Variants in RYR3 observed in about 807,000 individuals in gnomAD.
RYR3 encodes brain ryanodine receptor-calcium release channel.
Under a neutral mutation model 584.3 loss-of-function variants are expected in RYR3, and 207 were observed. That is an observed-to-expected ratio of 0.35 (90% confidence interval 0.32 to 0.40). The LOEUF (loss-of-function observed/expected upper bound fraction) is 0.40. Ranked by LOEUF, RYR3 falls within the 10% of genes least tolerant of loss-of-function variation. RYR3 has a pLI of 1.00. For missense variants in RYR3, 5,616 were observed against 6,089.2 expected (o/e 0.92, Z 2.59); for synonymous variants, 2,416 against 2,248.5 (o/e 1.07, Z -2.11).
intron 1 of RYR3, among the ~76,000 whole-genome samples, chr15:33,316,438 G>C (rs559974009): frequency 6.6e-6 from 1 of 152,188 alleles, no homozygotes; most frequent in African/African-American, 2.4e-5. Flanking sequence ...CAATACTTTA[G>C]TTAATTTCCC....
At chr15:33,477,733 G>A (rs962348478) in intron 2 of RYR3, among the ~76,000 whole-genome samples, 4 of 148,186 alleles carry the variant, frequency 2.7e-5, no homozygotes, top group Admixed American at 6.6e-5. Flanking sequence ...AAATTAGCCG[G>A]ACGTGGTGGC....
At chr15:33,347,735 C>A (rs1469808635) in intron 1 of RYR3, among the ~76,000 whole-genome samples, 1 of 152,124 alleles carries the variant, frequency 6.6e-6, no homozygotes, top group African/African-American at 2.4e-5. Context: ...GAATTGGCTC[C>A]TGTGCCCCTT....
At position 33,562,327 on chromosome 15, in the gene RYR3, A is replaced by T. The variant is rs113172414; in HGVS notation, c.973-510A>T. ...TACATTAGCTTAAGCCACGGTATTA[A>T]CCCCTGCGTATTCAAAGGGTCTCCT... On this transcript the variant is annotated intron_variant, in intron 10 of 103. Coordinates refer to ENST00000634891, the MANE Select transcript of RYR3 (RefSeq NM_001036.6). Among the ~76,000 whole-genome samples the T allele has an allele frequency of 3.8e-3, 582 of 152,292 alleles. 4 individuals are homozygous for T. Among genetic ancestry groups the T allele is most frequent in the African/African-American group, 0.013 (554 of 41,556 alleles).
intron 1 of RYR3, chr15:33,467,459 A>G (rs1366722659): frequency 2.0e-6 from 2 of 984,678 alleles, no homozygotes; most frequent in Non-Finnish European, 1.2e-6. Flanking sequence ...ATGGCTCTCT[A>G]TTGTTCTGGC....
chr15:33,446,354 A>G (rs1178244428), intron 1 of RYR3, among the ~76,000 whole-genome samples: 4 of 152,238 alleles, frequency 2.6e-5, no homozygotes, highest in Non-Finnish European at 5.9e-5. Context: ...TTGGGTATGA[A>G]AATAAGCTTA....
intron 14 of RYR3, among the ~76,000 whole-genome samples, chr15:33,582,518 T>C (rs2058646455): frequency 6.6e-6 from 1 of 152,244 alleles, no homozygotes; most frequent in Non-Finnish European, 1.5e-5. Flanking sequence ...GTAGGCATGA[T>C]TTTAACAATA....
At chr15:33,408,321 T>A (rs1209459336) in intron 1 of RYR3, among the ~76,000 whole-genome samples, 1 of 152,206 alleles carries the variant, frequency 6.6e-6, no homozygotes, top group East Asian at 1.9e-4. Context: ...CATGTTGTGG[T>A]AAAGGACACG....
intron 93 of RYR3, among the ~76,000 whole-genome samples, chr15:33,845,753 A>C (rs1465551238): frequency 6.6e-6 from 1 of 152,196 alleles, no homozygotes; most frequent in South Asian, 2.1e-4. Flanking sequence ...TTGATGTCAA[A>C]ATTTTTATAA....
intron 85 of RYR3, among the ~76,000 whole-genome samples, chr15:33,827,665 T>C (rs754989572): frequency 1.3e-5 from 2 of 152,222 alleles, no homozygotes; most frequent in Non-Finnish European, 2.9e-5. Context: ...AGGATGAGTT[T>C]ACAAGTTCGT....
intron 10 of RYR3, among the ~76,000 whole-genome samples, chr15:33,557,064 A>G (rs1338430264): frequency 6.6e-6 from 1 of 152,232 alleles, no homozygotes; most frequent in African/African-American, 2.4e-5. Context: ...AATGGTAACC[A>G]TTCAGATATT....
chr15:33,827,232 A>G lies in RYR3; in HGVS notation c.11279A>G (p.Asn3760Ser). ...FQNFLRTQMG[N>S]TTTVNVIIST... ...AACTTCCTGCGGACTCAGATGGGCA[A>G]CACCACCACCGTGAATGTCATCATC... The change falls in exon 85 of 104, where the codon AAC becomes AGC. Residue 3760 changes from asparagine (N) to serine (S), a missense_variant. Physicochemically the swap from Asn to Ser is conservative, Grantham distance 46. Around this residue, in one of 9 missense-constraint regions of RYR3, gnomAD observed 954 missense variants for 1,132.2 expected, o/e 0.84. Transcript: ENST00000634891. The G allele has an allele frequency of 2.6e-6, 4 of 1,552,366 alleles. No individual in the cohort carries two copies. Among genetic ancestry groups the G allele is most frequent in the Non-Finnish European group, 3.5e-6 (4 of 1,147,444 alleles).
chr15:33,494,013 T>A (rs1427496128), intron 2 of RYR3, among the ~76,000 whole-genome samples: 1 of 152,352 alleles, frequency 6.6e-6, no homozygotes, highest in East Asian at 1.9e-4. Context: ...CAAGAGAGGC[T>A]AGACTTTAAT....
intron 98 of RYR3, among the ~76,000 whole-genome samples, chr15:33,855,573 A>G (rs1567335058): frequency 6.6e-6 from 1 of 151,686 alleles, no homozygotes. Context: ...GCAAGTAGAC[A>G]TACTGTACAC....
chr15:33,681,863 A>G (rs535459049), intron 38 of RYR3, among the ~76,000 whole-genome samples: 1 of 152,334 alleles, frequency 6.6e-6, no homozygotes, highest in Admixed American at 6.5e-5. Flanking sequence ...ATACAACACC[A>G]GCGTAGGTTT....
chr15:33,465,634 G>T (rs2048421217), intron 1 of RYR3: 2 of 493,532 alleles, frequency 4.1e-6, no homozygotes, highest in Admixed American at 2.1e-5. Context: ...GTCGTGAAAT[G>T]ATGCGATCTC....
In RYR3 at chr15:33,473,535, C is replaced by T; in HGVS notation, c.168C>T (p.Ala56=). Residue 56 remains alanine, a synonymous_variant, in exon 2 of 104, where the codon GCC becomes GCT. Transcript: ENST00000634891. The part of the protein sequence containing the change: ...RLCFLEPTSE[A]KYIPPDLCVC... Reference sequence around the variant, plus strand: ...GCTTCTTGGAACCCACTTCAGAAGCCAAGGTGAGATTGGCTGTCCGCCCTA... The same window carrying T: ...GCTTCTTGGAACCCACTTCAGAAGCTAAGGTGAGATTGGCTGTCCGCCCTA... 6.2e-7 allele frequency: 1 copy of T among 1,613,920 alleles called. No homozygotes were observed. The highest frequency in any genetic ancestry group is 8.5e-7 in the Non-Finnish European group (1 of 1,179,852).
intron 38 of RYR3, among the ~76,000 whole-genome samples, chr15:33,693,745 T>TTG (rs1485009242): frequency 2.0e-5 from 3 of 152,158 alleles, no homozygotes; most frequent in African/African-American, 7.2e-5. Flanking sequence ...ACTTTCATAG[T>TTG]TGAAGTTATG....
intron 1 of RYR3, among the ~76,000 whole-genome samples, chr15:33,335,110 G>A (rs2140726714): frequency 6.6e-6 from 1 of 152,312 alleles, no homozygotes; most frequent in South Asian, 2.1e-4. Flanking sequence ...CATTGTGGAA[G>A]ACAGTGTGGC....
chr15:33,610,401 C>A (rs986482399), intron 18 of RYR3, among the ~76,000 whole-genome samples: 6 of 152,120 alleles, frequency 3.9e-5, no homozygotes, highest in African/African-American at 1.4e-4. Context: ...TTTAAATGTC[C>A]ATTTCCCAGC....
Sources: gnomAD v4.1 joint callset for allele counts (sites outside exome capture counted in the v4.1 genomes callset) on GRCh38, gnomAD v4.1.1 for gene constraint, gnomAD v4.1.1 regional missense constraint, MANE v1.5 for transcripts, NCBI Gene and HGNC (gene_info 2026-07-23, HGNC 2026-07-21) for gene names.